ERI3: variants seen among roughly 807,000 people sequenced by gnomAD.
The protein encoded by ERI3 is ERI1 exoribonuclease 3.
Under a neutral mutation model 44.4 loss-of-function variants are expected in ERI3, and 18 were observed. The observed-to-expected ratio is 0.41, with a 90% CI of 0.28 to 0.60. The LOEUF is 0.60. Among genes scored for constraint, ERI3 ranks in the 20% least tolerant of loss-of-function variants. The probability of loss-of-function intolerance (pLI) is 0.36; values close to 1 mark genes in which losing one functional copy is unlikely to be tolerated. For missense variants in ERI3, 294 were observed against 435.5 expected (o/e 0.68, Z 2.89); for synonymous variants, 183 against 164.8 (o/e 1.11, Z -0.84).
intron 3 of ERI3, chr1:44,322,719 T>A: frequency 6.5e-7 from 1 of 1,547,478 alleles, no homozygotes; most frequent in Non-Finnish European, 8.7e-7. Flanking sequence ...CTGAGGTACT[T>A]CTTACCATCC....
At chr1:44,256,896 C>T (rs1644792422) in intron 7 of ERI3, 1 of 152,270 alleles carries the variant, frequency 6.6e-6, no homozygotes, top group Non-Finnish European at 1.5e-5. Context: ...AGATAAGTAG[C>T]TCCTGAGCCA....
chr1:44,264,692 G>A (rs796518944), intron 7 of ERI3, among the ~76,000 whole-genome samples: 5 of 152,130 alleles, frequency 3.3e-5, no homozygotes, highest in Non-Finnish European at 7.4e-5. Flanking sequence ...TACAAGGAAG[G>A]GGGGGCAGCC....
intron 2 of ERI3, among the ~76,000 whole-genome samples, chr1:44,347,441 T>C (rs556960559): frequency 1.3e-5 from 2 of 152,314 alleles, no homozygotes; most frequent in East Asian, 3.9e-4. Flanking sequence ...CAATTCTTAC[T>C]CAAGTACCCA....
intron 5 of ERI3, among the ~76,000 whole-genome samples, chr1:44,312,545 G>A (rs1013486589): frequency 1.3e-5 from 2 of 152,186 alleles, no homozygotes; most frequent in Admixed American, 1.3e-4. Context: ...TGTGGTCTCT[G>A]CCAAGGGTTT....
chr1:44,352,300 G>A (rs944410137), intron 2 of ERI3, among the ~76,000 whole-genome samples: 17 of 152,128 alleles, frequency 1.1e-4, no homozygotes, highest in Non-Finnish European at 1.3e-4. Context: ...AAAGCCAAAC[G>A]AGAGCCAGGT....
intron 7 of ERI3, among the ~76,000 whole-genome samples, chr1:44,259,724 A>ACACACAC (rs1553185527): frequency 3.4e-5 from 5 of 148,650 alleles, no homozygotes; most frequent in East Asian, 2.0e-4. Context: ...ACACACACAC[A>ACACACAC]AATTAGCCAG....
At chr1:44,348,755 C>T (rs1014241114) in intron 2 of ERI3, among the ~76,000 whole-genome samples, 1 of 152,244 alleles carries the variant, frequency 6.6e-6, no homozygotes, top group Non-Finnish European at 1.5e-5. Context: ...AATGACTATG[C>T]ACCTCTCACT....
intron 6 of ERI3, among the ~76,000 whole-genome samples, chr1:44,303,999 T>A (rs1007094908): frequency 2.0e-5 from 3 of 152,100 alleles, no homozygotes; most frequent in Non-Finnish European, 4.4e-5. Context: ...TGGCAATTAA[T>A]TGGTGTGGAT....
At chr1:44,225,028 TA>T (rs1644002989) in intron 8 of ERI3, among the ~76,000 whole-genome samples, 1 of 152,278 alleles carries the variant, frequency 6.6e-6, no homozygotes, top group African/African-American at 2.4e-5. Context: ...GGGCTTTTAA[TA>T]GGCCAAAAAT....
intron 7 of ERI3, among the ~76,000 whole-genome samples, chr1:44,270,291 G>A (rs575286149): frequency 6.6e-6 from 1 of 152,146 alleles, no homozygotes; most frequent in East Asian, 1.9e-4. Context: ...CTTTTCTACA[G>A]TATTTATGCC....
chr1:44,245,282 T>G (rs537313036), intron 8 of ERI3, among the ~76,000 whole-genome samples: 2 of 152,152 alleles, frequency 1.3e-5, no homozygotes, highest in Admixed American at 6.5e-5. Flanking sequence ...CCCTGCATCC[T>G]CCCTCCCTTC....
chr1:44,323,583 T>C (rs576575934), intron 3 of ERI3, among the ~76,000 whole-genome samples: 61 of 152,358 alleles, frequency 4.0e-4, no homozygotes, highest in African/African-American at 1.4e-3. Context: ...TGCTCAAGTC[T>C]GGGCAAAGGG....
At chr1:44,231,644 C>G (rs1246771810) in intron 8 of ERI3, among the ~76,000 whole-genome samples, 1 of 152,162 alleles carries the variant, frequency 6.6e-6, no homozygotes, top group East Asian at 1.9e-4. Context: ...TTGGTCCCGG[C>G]CCTTGTTCAC....
chr1:44,305,275 C>T (rs978080691), intron 6 of ERI3, among the ~76,000 whole-genome samples: 4 of 152,222 alleles, frequency 2.6e-5, no homozygotes, highest in Non-Finnish European at 5.9e-5. Flanking sequence ...GGTGCCTGTG[C>T]AGGTGTCCCT....
chr1:44,351,868 G>A (rs993164820), intron 2 of ERI3, among the ~76,000 whole-genome samples: 9 of 151,732 alleles, frequency 5.9e-5, no homozygotes, highest in Non-Finnish European at 1.3e-4. Context: ...TTGAGGGTTC[G>A]TTTAATTCTA....
rs922716285 is a variant in ERI3 at position 44,347,380 on chromosome 1, C to T, written c.211+5470G>A. 2.2e-4 allele frequency among the ~76,000 whole-genome samples: 33 copies of T among 152,298 alleles called. 1 individual carries two copies. Among genetic ancestry groups the T allele is most frequent in the Admixed American group, 1.1e-3 (17 of 15,302 alleles). The stretch of plus-strand genomic sequence containing the variant: ...CTTCTCAAACAAAATTCCACAGGAG[C>T]AAATCTTTCCATCTTACAGAGTGGA... On this transcript the variant is annotated intron_variant, in intron 2 of 8. Coordinates refer to ENST00000372257, the MANE Select transcript of ERI3 (RefSeq NM_024066.3).
chr1:44,316,180 G>A (rs1646084408), intron 4 of ERI3, among the ~76,000 whole-genome samples: 2 of 152,124 alleles, frequency 1.3e-5, no homozygotes, highest in Admixed American at 1.3e-4. Context: ...GTTAATACAT[G>A]TTTGTAAAAA....
intron 8 of ERI3, among the ~76,000 whole-genome samples, chr1:44,226,814 C>CACAG (rs1644054430): frequency 6.6e-6 from 1 of 150,430 alleles, no homozygotes; most frequent in Non-Finnish European, 1.5e-5. Flanking sequence ...CACACACACA[C>CACAG]AAACTATCCT....
rs1646544456 is a variant in ERI3 at position 44,336,809 on chromosome 1, G to A, written c.489+2236C>T. On this transcript the variant is annotated intron_variant, in intron 3 of 8. Coordinates refer to ENST00000372257, the MANE Select transcript of ERI3 (RefSeq NM_024066.3). Reference sequence around the variant, plus strand: ...TAATGCTTTGCTAATAATGAACCAGGGCAGCCAATTCCTTAAGTGCCCTTG... The same window carrying A: ...TAATGCTTTGCTAATAATGAACCAGAGCAGCCAATTCCTTAAGTGCCCTTG... Among the ~76,000 whole-genome samples, 4 of 152,290 alleles carry A rather than the reference G, an allele frequency of 2.6e-5. No homozygotes were observed. In the South Asian group the frequency reaches 8.3e-4, roughly 32 times the overall value.
Sources: allele counts gnomAD v4.1 joint callset (sites outside exome capture counted in the v4.1 genomes callset), GRCh38; gene constraint gnomAD v4.1.1; transcripts MANE v1.5; gene names NCBI Gene and HGNC (gene_info 2026-07-23, HGNC 2026-07-21).